PCDH15: variants seen among roughly 807,000 people sequenced by gnomAD.
PCDH15 encodes the protein protocadherin related 15.
Under a neutral mutation model 178.5 loss-of-function variants are expected in PCDH15, and 129 were observed. That is an observed-to-expected ratio of 0.72 (90% CI 0.63 to 0.84). The LOEUF is 0.84. Among genes scored for constraint, PCDH15 ranks in the 40% least tolerant of loss-of-function variants. PCDH15 has a pLI of 0.00. For missense variants in PCDH15, 2,230 were observed against 2,099.9 expected, an observed-to-expected ratio of 1.06 and a Z score of -1.21; for synonymous variants, 800 against 732.0, an observed-to-expected ratio of 1.09 and a Z score of -1.50.
chr10:54,654,208 T>C (rs1052197838), intron 2 of PCDH15, among the ~76,000 whole-genome samples: 6 of 152,196 alleles, frequency 3.9e-5, no homozygotes, highest in East Asian at 1.9e-4. Context: ...AGTTAAATAA[T>C]AGGAAGTTAG....
At chr10:54,836,503 A>C (rs1225052793) in intron 3 of PCDH15, among the ~76,000 whole-genome samples, 1 of 152,128 alleles carries the variant, frequency 6.6e-6, no homozygotes, top group Non-Finnish European at 1.5e-5. Flanking sequence ...CAATTGTTAC[A>C]CAGTTGTAAT....
intron 3 of PCDH15, among the ~76,000 whole-genome samples, chr10:54,842,607 T>TA (rs2133762704): frequency 6.6e-6 from 1 of 152,072 alleles, no homozygotes; most frequent in African/African-American, 2.4e-5. Flanking sequence ...GCTACAACTA[T>TA]ATATAAAGTC....
chr10:54,622,710 T>A (rs1434787281), intron 2 of PCDH15, among the ~76,000 whole-genome samples: 2 of 100,492 alleles, frequency 2.0e-5, no homozygotes, highest in Admixed American at 1.6e-4. Flanking sequence ...TTCTATATAT[T>A]ATATATAATA....
chr10:55,529,001 GT>G (rs1399091400), intron 2 of PCDH15, among the ~76,000 whole-genome samples: 2 of 152,130 alleles, frequency 1.3e-5, no homozygotes, highest in South Asian at 2.1e-4. Flanking sequence ...TTTTTCATGT[GT>G]TTTTTGGCTG....
In PCDH15 at chr10:54,307,014, ACATATATATATATATGTGTGTGTGTG is replaced by A. The variant is rs2060517419; in HGVS notation, c.876+10231_876+10256del. On this transcript the variant is annotated intron_variant, in intron 8 of 37. Transcript: ENST00000644397. ...TTTGAAATTAAATATATATATATAT[ACATATATATATATATGTGTGTGTGTG>A]TATATATATATATATATATATATAT... Among the ~76,000 whole-genome samples, 21 of 43,318 alleles carry A rather than the reference ACATATATATATATATGTGTGTGTGTG, an allele frequency of 4.8e-4. 1 individual carries two copies. The highest frequency in any genetic ancestry group is 0.016 in the Middle Eastern group (1 of 64). The allele number at this position is 43,318 out of a possible 152,430, so 28.4% of individuals were successfully genotyped here. A position where few individuals can be genotyped will look rare whatever the true frequency, so the allele number is the denominator to read the frequency against.
chr10:53,984,869 C>T (rs1337186257), intron 21 of PCDH15, among the ~76,000 whole-genome samples: 1 of 152,164 alleles, frequency 6.6e-6, no homozygotes, highest in Non-Finnish European at 1.5e-5. Flanking sequence ...TCTTCTACTT[C>T]CTATTCTGAT....
At chr10:53,916,507 CTG>C (rs1169061909) in intron 25 of PCDH15, among the ~76,000 whole-genome samples, 1 of 115,620 alleles carries the variant, frequency 8.6e-6, no homozygotes, top group East Asian at 3.5e-4. Flanking sequence ...AACCAAATGA[CTG>C]TGACTTTTAG....
rs5785100 is a variant in PCDH15, at chr10:54,879,182, TTGTG to T, written c.-29+18264_-29+18267del. On this transcript the variant is annotated intron_variant, in intron 3 of 5. Coordinates refer to the PCDH15 transcript ENST00000458638. ...ACGTAAAGAGCAGACCACGTGCTGT[TTGTG>T]TGTGTGTGTGTGTGTGTGCTTGTAT... Among the ~76,000 whole-genome samples the T allele has an allele frequency of 3.9e-4, 58 of 149,128 alleles. 2 individuals are homozygous for T. Among genetic ancestry groups the T allele is most frequent in the South Asian group, 2.3e-3 (11 of 4,698 alleles).
At chr10:53,929,658 T>A (rs1293879032) in intron 25 of PCDH15, among the ~76,000 whole-genome samples, 1 of 152,080 alleles carries the variant, frequency 6.6e-6, no homozygotes, top group Non-Finnish European at 1.5e-5. Context: ...ACCACAAAAG[T>A]CAGAAGAATG....
At chr10:54,431,791 C>T (rs1475978722) in intron 3 of PCDH15, among the ~76,000 whole-genome samples, 4 of 151,954 alleles carry the variant, frequency 2.6e-5, no homozygotes, top group Admixed American at 6.6e-5. Flanking sequence ...AAGAGCACCC[C>T]AACTGGAAAG....
rs555059420 is a variant in PCDH15, at chr10:54,869,936, G to A, written c.-29+27514C>T. The stretch of plus-strand genomic sequence containing the variant: ...ACAATTCCCTAGCAATACTCCATCC[G>A]CTTGAAAATTGGAACTGACATAAAA... On this transcript the variant is annotated intron_variant, in intron 3 of 5. Transcript: ENST00000458638. 1.5e-4 allele frequency among the ~76,000 whole-genome samples: 23 copies of A among 152,264 alleles called. No homozygotes were observed. In the South Asian group the frequency reaches 3.7e-3, roughly 25 times the overall value.
At chr10:54,541,059 T>C (rs1296501327) in intron 2 of PCDH15, among the ~76,000 whole-genome samples, 3 of 152,126 alleles carry the variant, frequency 2.0e-5, no homozygotes, top group African/African-American at 7.2e-5. Flanking sequence ...TTAAACTAAA[T>C]GTCGCAAAAG....
At chr10:54,172,114 G>A (rs930804928) in intron 13 of PCDH15, among the ~76,000 whole-genome samples, 1 of 151,966 alleles carries the variant, frequency 6.6e-6, no homozygotes, top group Non-Finnish European at 1.5e-5. Context: ...GCACTTATAC[G>A]CCCAGATGGC....
intron 1 of PCDH15, among the ~76,000 whole-genome samples, chr10:55,313,881 T>G (rs1290283422): frequency 1.3e-5 from 2 of 152,106 alleles, no homozygotes; most frequent in African/African-American, 4.8e-5. Flanking sequence ...ATGCTATTTG[T>G]GTTCTACTTA....
chr10:53,992,848 A>C (rs576405930), intron 21 of PCDH15, among the ~76,000 whole-genome samples: 1 of 152,188 alleles, frequency 6.6e-6, no homozygotes, highest in Non-Finnish European at 1.5e-5. Flanking sequence ...TAGAGGGAAA[A>C]GTTCCTGGAA....
At chr10:55,202,835 C>T (rs966356127) in intron 1 of PCDH15, among the ~76,000 whole-genome samples, 2 of 152,110 alleles carry the variant, frequency 1.3e-5, no homozygotes, top group African/African-American at 4.8e-5. Context: ...ATTCTCTCTC[C>T]TGCCTGCTGT....
At chr10:55,514,174 A>G (rs1840953745) in intron 2 of PCDH15, among the ~76,000 whole-genome samples, 2 of 152,172 alleles carry the variant, frequency 1.3e-5, no homozygotes, top group South Asian at 4.1e-4. Context: ...TACATAACAC[A>G]GTGACTAATA....
intron 15 of PCDH15, among the ~76,000 whole-genome samples, chr10:54,127,209 C>T (rs184775908): frequency 1.9e-4 from 29 of 152,308 alleles, no homozygotes; most frequent in Non-Finnish European, 2.6e-4. Context: ...TAAAGGAACA[C>T]ATTAAGTGCA....
chr10:54,689,912 G>T (rs564926077), intron 1 of PCDH15, among the ~76,000 whole-genome samples: 49 of 152,226 alleles, frequency 3.2e-4, no homozygotes, highest in Middle Eastern at 3.4e-3. Flanking sequence ...TGGTATTGGG[G>T]CATGTTCTTG....
Sources: gnomAD v4.1 joint callset for allele counts (sites outside exome capture counted in the v4.1 genomes callset) on GRCh38, gnomAD v4.1.1 for gene constraint, MANE v1.5 for transcripts, NCBI Gene and HGNC (gene_info 2026-07-23, HGNC 2026-07-21) for gene names.